DMD: variants seen among roughly 807,000 people sequenced by gnomAD.
DMD encodes mutant dystrophin.
A neutral mutation model predicts 330.1 loss-of-function variants in DMD; 63 were observed. The observed-to-expected ratio is 0.19, with a 90% CI of 0.16 to 0.24. The LOEUF is 0.24. Among genes scored for constraint, DMD ranks in the 10% least tolerant of loss-of-function variants. The pLI is 1.00. For missense variants in DMD, 3,344 were observed against 2,684.1 expected (o/e 1.25, Z -5.43); for synonymous variants, 1,223 against 959.8 (o/e 1.27, Z -5.07).
intron 2 of DMD, among the ~76,000 whole-genome samples, chrX:32,916,498 T>C (rs907410547): frequency 8.9e-6 from 1 of 111,889 alleles, no homozygotes; most frequent in African/African-American, 3.2e-5. Context: ...TCATTAAATT[T>C]ACTTTACCTC....
chrX:32,669,409 A>C (rs931062508), intron 9 of DMD, among the ~76,000 whole-genome samples: 17 of 111,137 alleles, frequency 1.5e-4, no homozygotes, highest in African/African-American at 5.6e-4. Context: ...TCCTAAGGAA[A>C]CTCTTAAATC....
chrX:31,554,980 G>GA (rs1457410347), intron 55 of DMD, among the ~76,000 whole-genome samples: 1 of 111,909 alleles, frequency 8.9e-6, no homozygotes, highest in African/African-American at 3.2e-5. Context: ...TGATAGAGGA[G>GA]AGACAGATTG....
intron 34 of DMD, among the ~76,000 whole-genome samples, chrX:32,370,605 C>G (rs1258649641): frequency 9.1e-6 from 1 of 110,295 alleles, no homozygotes; most frequent in Non-Finnish European, 1.9e-5. Flanking sequence ...TTCTAAGTAA[C>G]AGCTGCTTGA....
At chrX:32,013,091 TCC>T (rs2095726002) in intron 44 of DMD, among the ~76,000 whole-genome samples, 4 of 51,569 alleles carry the variant, frequency 7.8e-5, no homozygotes, top group South Asian at 2.5e-3. Context: ...TTCTTTTCTT[TCC>T]TTTTTTTTTT....
intron 54 of DMD, among the ~76,000 whole-genome samples, chrX:31,652,610 T>C (rs948842155): frequency 8.9e-6 from 1 of 112,079 alleles, no homozygotes; most frequent in Non-Finnish European, 1.9e-5. Flanking sequence ...AAATGAGATA[T>C]TCAAGATAAT....
chrX:32,732,976 T>C (rs1409055335), intron 7 of DMD, among the ~76,000 whole-genome samples: 3 of 110,963 alleles, frequency 2.7e-5, no homozygotes, highest in African/African-American at 6.6e-5. Context: ...GCAACTTGGA[T>C]AAAGAGTCAA....
At chrX:32,346,101 C>G (rs777833097) in intron 38 of DMD, 21 bp from the exon 39 acceptor site, 13 of 1,207,007 alleles carry the variant, frequency 1.1e-5, no homozygotes, top group South Asian at 3.5e-5. Flanking sequence ...ACAACAAGTA[C>G]AGTCTTCATT....
intron 61 of DMD, among the ~76,000 whole-genome samples, chrX:31,333,404 C>A (rs1262973019): frequency 2.2e-5 from 2 of 91,327 alleles, no homozygotes; most frequent in Non-Finnish European, 4.2e-5. Flanking sequence ...TTGCTGCCCC[C>A]GCCTTTTTTT....
intron 51 of DMD, among the ~76,000 whole-genome samples, chrX:31,761,204 C>T (rs2089561139): frequency 3.6e-5 from 4 of 110,911 alleles, no homozygotes; most frequent in Non-Finnish European, 5.7e-5. Context: ...TATCTTAATA[C>T]TCATTATTTT....
chrX:32,933,126 G>A (rs948792632), intron 2 of DMD, among the ~76,000 whole-genome samples: 5 of 108,886 alleles, frequency 4.6e-5, no homozygotes, highest in South Asian at 4.0e-4. Context: ...ATATTTTCCC[G>A]TTTTGATAAG....
intron 52 of DMD, among the ~76,000 whole-genome samples, chrX:31,721,685 ACTCTCTCTCT>A (rs767300805): frequency 1.5e-4 from 6 of 39,590 alleles, no homozygotes; most frequent in Non-Finnish European, 2.0e-4. Context: ...TCTCTCTCTC[ACTCTCTCTCT>A]CTCTCTCTCT....
chrX:32,638,678 T>C (rs1323849586), intron 11 of DMD, among the ~76,000 whole-genome samples: 2 of 112,138 alleles, frequency 1.8e-5, no homozygotes, highest in African/African-American at 3.2e-5. Flanking sequence ...AGTTTGAGAT[T>C]GTGCACCTCC....
Position 31,121,679 on chromosome X carries a change from A to ACAATAACAGACTT in DMD, c.*227_*239dup, listed in dbSNP as rs1270740606. ...TGTAAAACCTGCCATTGTTAACAAAACAATAACAGACTTAGAAACTACTGA... is the reference window on the plus strand; with the variant it reads ...TGTAAAACCTGCCATTGTTAACAAAACAATAACAGACTTCAATAACAGACTTAGAAACTACTGA... On this transcript the variant is annotated 3_prime_UTR_variant, in exon 79 of 79. Transcript: ENST00000357033. The ACAATAACAGACTT allele has an allele frequency of 1.5e-5, 7 of 458,708 alleles. No homozygotes were observed. The highest frequency in any genetic ancestry group is 2.6e-5 in the Non-Finnish European group (7 of 267,978). 37.8% of individuals were successfully genotyped at this position (458,708 alleles called of 1,213,427 possible). A position where few individuals can be genotyped will look rare whatever the true frequency, so the allele number is the denominator to read the frequency against.
At chrX:31,279,825 T>C in intron 62 of DMD, among the ~76,000 whole-genome samples, 1 of 112,811 alleles carries the variant, frequency 8.9e-6, no homozygotes, top group East Asian at 2.7e-4. Flanking sequence ...TGAACTATTG[T>C]TCAAATTTGG....
intron 44 of DMD, among the ~76,000 whole-genome samples, chrX:32,144,771 G>A (rs1223642903): frequency 1.8e-5 from 2 of 111,819 alleles, no homozygotes; most frequent in African/African-American, 6.5e-5. Context: ...GGTGGCTCAC[G>A]TCTGGAATTC....
intron 44 of DMD, among the ~76,000 whole-genome samples, chrX:32,209,382 G>A (rs1194245609): frequency 9.0e-6 from 1 of 111,279 alleles, no homozygotes; most frequent in Admixed American, 9.6e-5. Flanking sequence ...GTGAGAAACT[G>A]GAGATAGGGT....
intron 2 of DMD, among the ~76,000 whole-genome samples, chrX:32,894,417 C>A (rs1428538357): frequency 2.7e-5 from 3 of 112,595 alleles, no homozygotes; most frequent in Non-Finnish European, 5.6e-5. Context: ...GCAGACTGGA[C>A]AAGATAGCCT....
chrX:32,117,108 CCTCA>C (rs1466343238), intron 44 of DMD, among the ~76,000 whole-genome samples: 2 of 111,053 alleles, frequency 1.8e-5, no homozygotes, highest in Non-Finnish European at 3.8e-5. Context: ...TGTTTCTAAG[CCTCA>C]CTCCATTACA....
intron 44 of DMD, among the ~76,000 whole-genome samples, chrX:32,190,119 A>G (rs749077118): frequency 1.8e-5 from 2 of 110,724 alleles, no homozygotes; most frequent in South Asian, 3.8e-4. Context: ...AGAGAGTACT[A>G]TTGGCATCTA....
Sources: allele counts gnomAD v4.1 joint callset (sites outside exome capture counted in the v4.1 genomes callset), GRCh38; gene constraint gnomAD v4.1.1; transcripts MANE v1.5; gene names NCBI Gene and HGNC (gene_info 2026-07-23, HGNC 2026-07-21).